The following PSME4 variants were observed in gnomAD, a reference collection of about 807,000 sequenced individuals.
The protein encoded by PSME4 is proteasome activator complex subunit 4.
PSME4 carries 89 observed loss-of-function variants against 253.9 expected under a neutral mutation model. The observed-to-expected ratio is 0.35, with a 90% confidence interval of 0.30 to 0.42. PSME4 has a LOEUF of 0.42. Among genes scored for constraint, PSME4 ranks in the 10% least tolerant of loss-of-function variants. The pLI, the probability that PSME4 is intolerant of heterozygous loss-of-function variation, is 1.00. For missense variants in PSME4, 2,014 were observed against 2,195.2 expected, an observed-to-expected ratio of 0.92 and a Z score of 1.65; for synonymous variants, 851 against 759.2, an observed-to-expected ratio of 1.12 and a Z score of -1.99.
chr2:53,955,920 C>G (rs1188563571), intron 1 of PSME4, among the ~76,000 whole-genome samples: 1 of 151,784 alleles, frequency 6.6e-6, no homozygotes, highest in Non-Finnish European at 1.5e-5. Flanking sequence ...ACCTTAGTCC[C>G]CAAAAAAACC....
At chr2:53,876,805 A>G (rs931980421) in intron 41 of PSME4, among the ~76,000 whole-genome samples, 1 of 145,150 alleles carries the variant, frequency 6.9e-6, no homozygotes, top group African/African-American at 2.6e-5. Flanking sequence ...TGTAGCCTCA[A>G]CTTTCTGGGG....
chr2:53,963,507 C>A (rs977818016), intron 1 of PSME4, among the ~76,000 whole-genome samples: 5 of 152,164 alleles, frequency 3.3e-5, no homozygotes, highest in Non-Finnish European at 7.3e-5. Flanking sequence ...CATGACTGTA[C>A]ACTAACCTAT....
In PSME4 at chr2:53,897,849, T is replaced by C. The variant is rs759232594; in HGVS notation, c.3606+21A>G. ...GTACATATTCTCAAACCCAAGACTGTAGCTAAAACAAGGTATGTACCTTTC... is the reference window on the plus strand; with the variant it reads ...GTACATATTCTCAAACCCAAGACTGCAGCTAAAACAAGGTATGTACCTTTC... On this transcript the variant is annotated intron_variant, in intron 31 of 46. Transcript: ENST00000404125. 1.9e-6 allele frequency: 3 copies of C among 1,610,242 alleles called. No homozygotes were observed. In the South Asian group the frequency reaches 3.3e-5, roughly 18 times the overall value.
chr2:53,922,474 G>A (rs751769108), intron 17 of PSME4, 43 bp downstream of exon 17: 1 of 1,587,738 alleles, frequency 6.3e-7, no homozygotes, highest in Non-Finnish European at 8.6e-7. Flanking sequence ...AAGCAAGTCA[G>A]TGTTTTCACA....
rs2104403851 is a variant in PSME4 at position 53,864,374 on chromosome 2, T to C, written c.*1204A>G. On this transcript the variant is annotated 3_prime_UTR_variant, in exon 47 of 47. Coordinates refer to ENST00000404125, the MANE Select transcript of PSME4 (RefSeq NM_014614.3). ...ATAGGCAAACATGTGGTGTTAGCAT[T>C]GAGAGATGCACACAAAAATGTTACA... 1 of 152,386 alleles carries C rather than the reference T, an allele frequency of 6.6e-6. No homozygotes were observed. The highest frequency in any genetic ancestry group is 1.9e-4 in the East Asian group (1 of 5,178). 9.4% of individuals were successfully genotyped at this position (152,386 alleles called of 1,614,324 possible).
chr2:53,923,831 G>A (rs551214813), intron 14 of PSME4, among the ~76,000 whole-genome samples: 1 of 149,828 alleles, frequency 6.7e-6, no homozygotes, highest in African/African-American at 2.5e-5. Flanking sequence ...GCTGAGGCAT[G>A]CGAATTGCTT....
intron 1 of PSME4, among the ~76,000 whole-genome samples, chr2:53,959,184 A>C (rs1441628056): frequency 2.6e-5 from 4 of 152,110 alleles, no homozygotes; most frequent in African/African-American, 9.7e-5. Flanking sequence ...TGTATTTTTT[A>C]CTGATTATTG....
At chr2:53,942,385 A>C (rs1192216586) in intron 3 of PSME4, among the ~76,000 whole-genome samples, 1 of 152,004 alleles carries the variant, frequency 6.6e-6, no homozygotes, top group African/African-American at 2.4e-5. Flanking sequence ...TTTTAAAATC[A>C]AAAGGGATCT....
chr2:53,916,511 TG>T (rs1337482521), intron 20 of PSME4, among the ~76,000 whole-genome samples: 1 of 152,204 alleles, frequency 6.6e-6, no homozygotes, highest in African/African-American at 2.4e-5. Context: ...AGTTTCAAAT[TG>T]ATCTGCTGAT....
Position 53,899,973 on chromosome 2 carries a change from T to G in PSME4, c.3330A>C (p.Ser1110=), listed in dbSNP as rs934154298. Residue 1110 remains serine, a synonymous_variant, in exon 29 of 47, where the codon TCA becomes TCC. Coordinates refer to ENST00000404125, the MANE Select transcript of PSME4 (RefSeq NM_014614.3). The stretch of plus-strand genomic sequence containing the variant: ...ATATCTGGTTGATAGAGGGGTTTTT[T>G]GACTGTTGAAGTAATTCCGCTATTT... ...CVEIAELLQQ[S]KNPSINQILL... 1 of 1,613,648 alleles carries G rather than the reference T, an allele frequency of 6.2e-7. No homozygotes were observed. The highest frequency in any genetic ancestry group is 8.5e-7 in the Non-Finnish European group (1 of 1,179,704).
chr2:53,946,732 GA>G (rs1168178421), intron 3 of PSME4, among the ~76,000 whole-genome samples: 3 of 152,026 alleles, frequency 2.0e-5, no homozygotes, highest in African/African-American at 7.2e-5. Context: ...CCTGTGTAGA[GA>G]CCCTGTCTCT....
At chr2:53,907,576 G>C (rs2104440792) in intron 24 of PSME4, among the ~76,000 whole-genome samples, 1 of 152,226 alleles carries the variant, frequency 6.6e-6, no homozygotes, top group East Asian at 1.9e-4. Context: ...AATGTTTAGT[G>C]AATTGAGTGT....
intron 30 of PSME4, 111 bp from the exon 31 acceptor site, chr2:53,898,110 C>A: frequency 7.5e-7 from 1 of 1,337,776 alleles, no homozygotes; most frequent in South Asian, 1.4e-5. Context: ...TAAAATAGGT[C>A]TAGTGAAGAA....
At chr2:53,887,551 T>C (rs908206309) in intron 39 of PSME4, 84 bp from the exon 40 acceptor site, 4 of 1,248,102 alleles carry the variant, frequency 3.2e-6, no homozygotes, top group Admixed American at 2.3e-5. Flanking sequence ...CCAATCAAAG[T>C]AAACTGTCCC....
chr2:53,964,351 T>A (rs866782636), intron 1 of PSME4, among the ~76,000 whole-genome samples: 1 of 152,346 alleles, frequency 6.6e-6, no homozygotes. Flanking sequence ...AAAAATCAAA[T>A]ATGAAATATG....
At chr2:53,882,917 AT>A (rs1352017471) in intron 41 of PSME4, among the ~76,000 whole-genome samples, 2 of 151,782 alleles carry the variant, frequency 1.3e-5, no homozygotes, top group Non-Finnish European at 2.9e-5. Context: ...AAATAAATAA[AT>A]AAGATAAATA....
chr2:53,895,977 C>T (rs1429656064), intron 32 of PSME4, among the ~76,000 whole-genome samples: 1 of 152,244 alleles, frequency 6.6e-6, no homozygotes, highest in South Asian at 2.1e-4. Flanking sequence ...AAACACACTT[C>T]ATTCCTTTTA....
In PSME4 at chr2:53,901,523, C is replaced by T; in HGVS notation, c.3112G>A (p.Val1038Met). ...CAATCATGAAGGTTTGCCAAGCACA[C>T]ACCACTGTGATTTCCAAGGAGACAG... ...LYCLLGNHSG[V>M]CLANLHDWDC... Residue 1038 changes from valine to methionine, a missense_variant, in exon 28 of 47, where the codon GTG becomes ATG. Coordinates refer to ENST00000404125, the MANE Select transcript of PSME4 (RefSeq NM_014614.3). 1 of 1,613,394 alleles carries T rather than the reference C, an allele frequency of 6.2e-7. No homozygotes were observed. The highest frequency in any genetic ancestry group is 8.5e-7 in the Non-Finnish European group (1 of 1,179,454).
At chr2:53,954,649 G>C (rs914780925) in intron 1 of PSME4, among the ~76,000 whole-genome samples, 15 of 151,974 alleles carry the variant, frequency 9.9e-5, no homozygotes, top group Non-Finnish European at 1.9e-4. Flanking sequence ...GATCAGCCTG[G>C]CCAACATGGC....
Sources: allele counts gnomAD v4.1 joint callset (sites outside exome capture counted in the v4.1 genomes callset), GRCh38; gene constraint gnomAD v4.1.1; transcripts MANE v1.5; gene names NCBI Gene and HGNC (gene_info 2026-07-23, HGNC 2026-07-21).